The following DNAJB11 variants were observed in gnomAD, a reference collection of about 807,000 sequenced individuals.
The protein encoded by DNAJB11 is DnaJ heat shock protein family (Hsp40) member B11.
Under a neutral mutation model 47.2 loss-of-function variants are expected in DNAJB11, and 30 were observed. That is an observed-to-expected ratio of 0.64 (90% CI 0.48 to 0.86). The LOEUF (loss-of-function observed/expected upper bound fraction) is 0.86, where lower values mean the gene tolerates loss of function less well. Among genes scored for constraint, DNAJB11 ranks in the 40% least tolerant of loss-of-function variants. DNAJB11 has a pLI of 0.00. For missense variants in DNAJB11, 357 were observed against 440.2 expected, an observed-to-expected ratio of 0.81 and a Z score of 1.69; for synonymous variants, 151 against 159.9, an observed-to-expected ratio of 0.94 and a Z score of 0.42.
At chr3:186,572,018 A>T in intron 1 of DNAJB11, 77 bp from the exon 2 acceptor site, 3 of 1,310,930 alleles carry the variant, frequency 2.3e-6, no homozygotes, top group African/African-American at 1.5e-5. Context: ...CTAAATGTAG[A>T]GGAAAAATAA....
At chr3:186,575,367 GC>G (rs1715245329) in intron 2 of DNAJB11, among the ~76,000 whole-genome samples, 1 of 101,714 alleles carries the variant, frequency 9.8e-6, no homozygotes, top group South Asian at 3.6e-4. Flanking sequence ...GCGCGCGCGC[GC>G]GTGTGTGTGT....
chr3:186,574,510 G>T (rs7609902), intron 2 of DNAJB11, among the ~76,000 whole-genome samples: 40,180 of 150,076 alleles, frequency 0.27, 6,694 homozygotes, highest in African/African-American at 0.48. Flanking sequence ...GCCCATTTCT[G>T]CTTCCCCAAA....
chr3:186,571,022 T>TGGGGTCCCCCTTTGGGGGGGGGGG, intron 1 of DNAJB11, 57 bp downstream of exon 1: 1 of 208,314 alleles, frequency 4.8e-6, no homozygotes, highest in Non-Finnish European at 9.4e-6. Flanking sequence ...TGCTGGGGGG[T>TGGGGTCCCCCTTTGGGGGGGGGGG]GGGAGGGGGT....
chr3:186,582,404 GCT>G (rs1715516762), intron 6 of DNAJB11, among the ~76,000 whole-genome samples: 1 of 152,238 alleles, frequency 6.6e-6, no homozygotes, highest in Admixed American at 6.5e-5. Context: ...TTAATAAGAT[GCT>G]CTCAGGACCT....
chr3:186,570,789 G>A lies in DNAJB11; in HGVS notation c.-109G>A, dbSNP rs994870661. 1.6e-5 allele frequency: 16 copies of A among 980,402 alleles called. No individual in the cohort carries two copies. The African/African-American group carries it at 2.2e-4, about 13-fold the overall frequency. The allele number at this position is 980,402 out of a possible 1,614,324, so 60.7% of individuals were successfully genotyped here. On this transcript the variant is annotated 5_prime_UTR_variant, in exon 1 of 10. Coordinates refer to ENST00000265028, the MANE Select transcript of DNAJB11 (RefSeq NM_016306.6). Reference sequence around the variant, plus strand: ...CTCTGCGGACCAAGGAGACCCCCGCGCCCCCCCGGTGTGAGGCGGCCTCAC... The same window carrying A: ...CTCTGCGGACCAAGGAGACCCCCGCACCCCCCCGGTGTGAGGCGGCCTCAC...
intron 2 of DNAJB11, among the ~76,000 whole-genome samples, chr3:186,572,611 A>G (rs1291875587): frequency 6.6e-6 from 1 of 152,244 alleles, no homozygotes; most frequent in East Asian, 1.9e-4. Context: ...CTGTCGTTCA[A>G]TCAGTTTGGG....
intron 2 of DNAJB11, among the ~76,000 whole-genome samples, chr3:186,575,368 C>CGCGCGCGTGTGT (rs1406330956): frequency 2.1e-5 from 3 of 143,358 alleles, no homozygotes; most frequent in African/African-American, 8.1e-5. Flanking sequence ...CGCGCGCGCG[C>CGCGCGCGTGTGT]GTGTGTGTGT....
In DNAJB11 at chr3:186,585,585, C is replaced by T. The variant is rs2108488045; in HGVS notation, c.*177C>T. The T allele has an allele frequency of 2.3e-6, 1 of 436,014 alleles. No individual in the cohort carries two copies. Among genetic ancestry groups the T allele is most frequent in the Non-Finnish European group, 4.1e-6 (1 of 242,274 alleles). 27.0% of individuals were successfully genotyped at this position (436,014 alleles called of 1,614,324 possible). ...GCTTAAGAATTTGTCCATTTGCATT[C>T]GGAAAAGAATGACCAGCAAAAGGTT... On this transcript the variant is annotated 3_prime_UTR_variant, in exon 10 of 10. Coordinates refer to ENST00000265028, the MANE Select transcript of DNAJB11 (RefSeq NM_016306.6).
chr3:186,583,898 G>C lies in DNAJB11; in HGVS notation c.774G>C (p.Leu258Phe). 6.2e-7 allele frequency: 1 copy of C among 1,613,598 alleles called. No homozygotes were observed. The highest frequency in any genetic ancestry group is 1.1e-5 in the South Asian group (1 of 91,066). The change falls in exon 8 of 10, where the codon TTG (leucine) becomes TTC (phenylalanine). Residue 258 changes from leucine to phenylalanine, a missense_variant. Leu to Phe is a conservative substitution (Grantham distance 22). Transcript: ENST00000265028. ...HPIFERRGDD[L>F]YTNVTISLVE... ...TATTTGAAAGGAGAGGAGATGATTT[G>C]TACACAAATGTGACAATCTCATTAG...
chr3:186,571,685 G>A (rs1171767023), intron 1 of DNAJB11, among the ~76,000 whole-genome samples: 2 of 152,200 alleles, frequency 1.3e-5, no homozygotes, highest in Non-Finnish European at 2.9e-5. Flanking sequence ...CTTTGAGAGT[G>A]TTATTTGACT....
At chr3:186,580,355 G>C (rs1312254933) in intron 4 of DNAJB11, 1 of 152,110 alleles carries the variant, frequency 6.6e-6, no homozygotes, top group Admixed American at 6.5e-5. Context: ...TGAGAAATAG[G>C]ATAGCACAAT....
In DNAJB11 at chr3:186,570,752, C is replaced by A; in HGVS notation, c.-146C>A. On this transcript the variant is annotated 5_prime_UTR_variant, in exon 1 of 10. Coordinates refer to ENST00000265028, the MANE Select transcript of DNAJB11 (RefSeq NM_016306.6). ...GGAAGTGGACCGGCAGAAGAGGGGG[C>A]TAGCTAGCTGTCTCTGCGGACCAAG... is the stretch of plus-strand genomic sequence containing the variant. 1 of 706,634 alleles carries A rather than the reference C, an allele frequency of 1.4e-6. No homozygotes were observed. Among genetic ancestry groups the A allele is most frequent in the Non-Finnish European group, 2.4e-6 (1 of 415,396 alleles). 43.8% of individuals were successfully genotyped at this position (706,634 alleles called of 1,614,324 possible).
chr3:186,584,929 G>A (rs1414425210), intron 9 of DNAJB11, among the ~76,000 whole-genome samples: 1 of 152,132 alleles, frequency 6.6e-6, no homozygotes, highest in Non-Finnish European at 1.5e-5. Context: ...AAGCTTATGG[G>A]TGCATGTCTA....
intron 1 of DNAJB11, 60 bp downstream of exon 1, chr3:186,571,025 G>GGGTC: frequency 1.0e-6 from 1 of 964,050 alleles, no homozygotes; most frequent in Non-Finnish European, 1.5e-6. Flanking sequence ...TGGGGGGTGG[G>GGGTC]AGGGGGTGGG....
chr3:186,570,893 G>A lies in DNAJB11; in HGVS notation c.-5G>A, dbSNP rs1308389848. On this transcript the variant is annotated 5_prime_UTR_variant, in exon 1 of 10. Transcript: ENST00000265028. ...GTGTGGAACAGGACCCGGGACAGAG[G>A]AACCATGGCTCCGCAGAACCTGAGC... The A allele has an allele frequency of 1.0e-5, 16 of 1,604,664 alleles. No homozygotes were observed. Among genetic ancestry groups the A allele is most frequent in the Admixed American group, 5.1e-5 (3 of 58,912 alleles).
At chr3:186,571,106 G>T in intron 1 of DNAJB11, 141 bp downstream of exon 1, 1 of 731,706 alleles carries the variant, frequency 1.4e-6, no homozygotes, top group Non-Finnish European at 2.2e-6. Context: ...GCGGAGGAAG[G>T]GGTAGTATGG....
intron 4 of DNAJB11, 88 bp from the exon 5 acceptor site, chr3:186,581,283 A>C: frequency 6.9e-7 from 1 of 1,456,080 alleles, no homozygotes; most frequent in Non-Finnish European, 9.4e-7. Context: ...GTTTCAGTCC[A>C]GGCATATGTG....
chr3:186,581,597 A>G (rs1336473070), intron 5 of DNAJB11, 84 bp downstream of exon 5: 1 of 1,465,498 alleles, frequency 6.8e-7, no homozygotes, highest in African/African-American at 1.4e-5. Flanking sequence ...TCCATACTAG[A>G]TCTTTCTCTG....
At chr3:186,577,580 G>GTT in intron 3 of DNAJB11, 88 bp from the exon 4 acceptor site, 2 of 1,255,900 alleles carry the variant, frequency 1.6e-6, no homozygotes, top group South Asian at 3.3e-5. Flanking sequence ...AGAAACAATA[G>GTT]TTTATCAACG....
Sources: allele counts gnomAD v4.1 joint callset (sites outside exome capture counted in the v4.1 genomes callset), GRCh38; gene constraint gnomAD v4.1.1; transcripts MANE v1.5; gene names NCBI Gene and HGNC (gene_info 2026-07-23, HGNC 2026-07-21).